Variants in GNA12 observed in about 807,000 individuals in gnomAD.
GNA12 encodes the protein guanine nucleotide-binding protein subunit alpha-12.
GNA12 carries 9 observed loss-of-function variants against 26.0 expected under a neutral mutation model. The observed-to-expected ratio is 0.35, with a 90% confidence interval of 0.21 to 0.60. The LOEUF is 0.60. Among genes scored for constraint, GNA12 ranks in the 20% least tolerant of loss-of-function variants. GNA12 has a pLI of 0.78. For synonymous variants in GNA12, 264 were observed against 219.6 expected (o/e 1.20, Z -1.79); for missense variants, 405 against 525.8 (o/e 0.77, Z 2.25).
intron 2 of GNA12, among the ~76,000 whole-genome samples, chr7:2,750,035 A>G (rs1229847580): frequency 1.3e-5 from 2 of 152,226 alleles, no homozygotes; most frequent in Non-Finnish European, 2.9e-5. Context: ...AAATTTACAG[A>G]TTTCAAGAAG....
At chr7:2,816,511 G>A (rs541789336) in intron 1 of GNA12, among the ~76,000 whole-genome samples, 6 of 152,308 alleles carry the variant, frequency 3.9e-5, no homozygotes, top group Admixed American at 2.0e-4. Flanking sequence ...GATTACAGGC[G>A]TGAGCCACTG....
chr7:2,740,605 G>A (rs1790450496), intron 2 of GNA12, among the ~76,000 whole-genome samples: 1 of 152,126 alleles, frequency 6.6e-6, no homozygotes, highest in African/African-American at 2.4e-5. Flanking sequence ...ATGAACTTGT[G>A]GATTTTCATC....
intron 2 of GNA12, among the ~76,000 whole-genome samples, chr7:2,739,590 A>C (rs1352466854): frequency 6.6e-6 from 1 of 152,348 alleles, no homozygotes; most frequent in Non-Finnish European, 1.5e-5. Flanking sequence ...ACAGTGCTAC[A>C]AACAGCTGTG....
chr7:2,769,263 T>G (rs1431583847), intron 2 of GNA12, among the ~76,000 whole-genome samples: 1 of 152,144 alleles, frequency 6.6e-6, no homozygotes, highest in East Asian at 1.9e-4. Context: ...GGTATTCTAC[T>G]TAAACAGCAT....
At chr7:2,812,913 G>C (rs906281210) in intron 1 of GNA12, among the ~76,000 whole-genome samples, 3 of 152,142 alleles carry the variant, frequency 2.0e-5, no homozygotes, top group African/African-American at 7.2e-5. Flanking sequence ...AAAATCAAAA[G>C]AATCCAGTGA....
At chr7:2,736,204 G>A (rs1790166085) in intron 2 of GNA12, among the ~76,000 whole-genome samples, 1 of 152,154 alleles carries the variant, frequency 6.6e-6, no homozygotes, top group African/African-American at 2.4e-5. Context: ...TTAACCGCTT[G>A]GTGGGTTTAT....
chr7:2,805,014 C>T (rs6975733), intron 1 of GNA12, among the ~76,000 whole-genome samples: 23,899 of 152,212 alleles, frequency 0.16, 2,016 homozygotes, highest in Non-Finnish European at 0.2. Flanking sequence ...GTGGCACCCC[C>T]AGGCAGTGTT....
chr7:2,799,337 T>C (rs1792753005), intron 1 of GNA12, among the ~76,000 whole-genome samples: 1 of 152,166 alleles, frequency 6.6e-6, no homozygotes. Flanking sequence ...CCCAACACTT[T>C]GTGAGGCTGA....
intron 2 of GNA12, 129 bp downstream of exon 2, chr7:2,794,799 T>A: frequency 1.4e-6 from 1 of 705,524 alleles, no homozygotes; most frequent in Non-Finnish European, 2.4e-6. Context: ...TGTTGATCAT[T>A]ACAACTTACG....
intron 1 of GNA12, among the ~76,000 whole-genome samples, chr7:2,829,075 GA>G (rs748186284): frequency 1.4e-3 from 68 of 49,478 alleles, no homozygotes; most frequent in Non-Finnish European, 1.8e-3. Context: ...CCTGTCTCAG[GA>G]AAAAAAAAAA....
At chr7:2,816,334 G>A (rs1473122006) in intron 1 of GNA12, among the ~76,000 whole-genome samples, 2 of 151,856 alleles carry the variant, frequency 1.3e-5, no homozygotes, top group African/African-American at 4.8e-5. Context: ...TAGTTCAAGC[G>A]ATTCTTCTGC....
chr7:2,788,691 A>G (rs1410679259), intron 2 of GNA12, among the ~76,000 whole-genome samples: 1 of 152,258 alleles, frequency 6.6e-6, no homozygotes, highest in African/African-American at 2.4e-5. Context: ...CAGCCAGGAA[A>G]GAAGCAGATG....
intron 1 of GNA12, among the ~76,000 whole-genome samples, chr7:2,824,485 C>T (rs533889263): frequency 3.3e-5 from 5 of 152,288 alleles, no homozygotes; most frequent in African/African-American, 1.2e-4. Flanking sequence ...CACGCTCTCG[C>T]CCTGCTTTCT....
At chr7:2,832,056 A>AT (rs1778689936) in intron 1 of GNA12, among the ~76,000 whole-genome samples, 1 of 152,194 alleles carries the variant, frequency 6.6e-6, no homozygotes, top group African/African-American at 2.4e-5. Context: ...TTGACTGAGC[A>AT]TCAAACTGTT....
At chr7:2,793,221 C>G (rs1255976481) in intron 2 of GNA12, among the ~76,000 whole-genome samples, 1 of 152,094 alleles carries the variant, frequency 6.6e-6, no homozygotes, top group African/African-American at 2.4e-5. Flanking sequence ...CTGCAAGAGA[C>G]CAAGGGGACA....
rs112128484 is a variant in GNA12 at position 2,747,657 on chromosome 7, G to T, written c.526-14156C>A. ...ACCACTCCTATTCAATATAGTGTTG[G>T]AAGTCCTAGGCAGGGCAATCAGGCA... On this transcript the variant is annotated intron_variant, in intron 2 of 3. Coordinates refer to ENST00000275364, the MANE Select transcript of GNA12 (RefSeq NM_007353.3). Among the ~76,000 whole-genome samples, 747 of 152,300 alleles carry T rather than the reference G, an allele frequency of 4.9e-3. 4 individuals carry two copies. Among genetic ancestry groups the T allele is most frequent in the African/African-American group, 0.017 (687 of 41,544 alleles).
At position 2,731,140 on chromosome 7, in the gene GNA12, T is replaced by G. The variant is rs1197979828; in HGVS notation, c.*41A>C. 5.8e-6 allele frequency: 8 copies of G among 1,374,054 alleles called. No individual in the cohort carries two copies. The South Asian group carries it at 8.8e-5, about 15-fold the overall frequency. The allele number at this position is 1,374,054 out of a possible 1,614,324, so 85.1% of individuals were successfully genotyped here. A position where few individuals can be genotyped will look rare whatever the true frequency, so the allele number is the denominator to read the frequency against. ...CACCCAAGAGTCTGACCGACAGCCG[T>G]GGGGGCTGCTCAACGACGACAAACC... On this transcript the variant is annotated 3_prime_UTR_variant, in exon 4 of 4. Transcript: ENST00000275364. This position sits in a 1 kb window ranked among gnomAD's most constrained non-coding sequence, Gnocchi z 6.0.
chr7:2,754,508 C>G (rs10215950), intron 2 of GNA12, among the ~76,000 whole-genome samples: 3,309 of 151,834 alleles, frequency 0.022, 100 homozygotes, highest in African/African-American at 0.07. Flanking sequence ...TTTGGGAGGC[C>G]AGGGCAGGAA....
chr7:2,809,182 A>AG (rs1240445573), intron 1 of GNA12, among the ~76,000 whole-genome samples: 1 of 152,010 alleles, frequency 6.6e-6, no homozygotes, highest in East Asian at 1.9e-4. Flanking sequence ...ACCGAGCACA[A>AG]GCCCCACAAG....
Sources: gnomAD v4.1 joint callset for allele counts (sites outside exome capture counted in the v4.1 genomes callset) on GRCh38, gnomAD v4.1.1 for gene constraint, Gnocchi (gnomAD v3.1) non-coding constraint, MANE v1.5 for transcripts, NCBI Gene and HGNC (gene_info 2026-07-23, HGNC 2026-07-21) for gene names.